The following CRTC1 variants were observed in gnomAD, a reference collection of about 807,000 sequenced individuals.
The protein encoded by CRTC1 is CREB-regulated transcription coactivator 1.
CRTC1 carries 18 observed loss-of-function variants against 66.1 expected under a neutral mutation model. The ratio of observed to expected loss-of-function variants is 0.27; its 90% CI spans 0.19 to 0.40. CRTC1 has a LOEUF of 0.40. Ranked by LOEUF, CRTC1 falls within the 10% of genes least tolerant of loss-of-function variation. CRTC1 has a pLI of 1.00. For missense variants in CRTC1, 669 were observed against 887.9 expected, an observed-to-expected ratio of 0.75 and a Z score of 3.13; for synonymous variants, 416 against 398.8, an observed-to-expected ratio of 1.04 and a Z score of -0.51.
At chr19:18,728,937 C>T (rs1298448243) in intron 1 of CRTC1, among the ~76,000 whole-genome samples, 1 of 150,400 alleles carries the variant, frequency 6.6e-6, no homozygotes, top group Non-Finnish European at 1.5e-5. Flanking sequence ...CTCAGCCTCC[C>T]AAGTACCTGG....
In CRTC1 at chr19:18,765,480, G is replaced by T. The variant is rs759206199; in HGVS notation, c.963G>T (p.Arg321Ser). Residue 321 changes from arginine (R) to serine (S), a missense_variant, in exon 9 of 14, where the codon AGG becomes AGT. By Grantham distance (110) the Arg-to-Ser change is moderately radical (BLOSUM62 -1). Around this residue, in one of 8 missense-constraint regions of CRTC1, gnomAD observed 241 missense variants for 242.2 expected, o/e 0.99. Coordinates refer to ENST00000321949, the MANE Select transcript of CRTC1 (RefSeq NM_015321.3). ...VSPLSLSTEA[R>S]RQQASPTLSP... ...CCCTGTCCCTGAGCACAGAGGCAAG[G>T]CGTCAGCAGGCATCGCCCACCCTGT... 7.4e-6 allele frequency: 12 copies of T among 1,611,192 alleles called. 1 individual carries two copies. In the South Asian group the frequency reaches 8.8e-5, roughly 12 times the overall value.
chr19:18,770,812 A>T (rs2054846293), intron 10 of CRTC1, among the ~76,000 whole-genome samples: 1 of 145,082 alleles, frequency 6.9e-6, no homozygotes, highest in Admixed American at 6.8e-5. Context: ...GGGTGTGTAC[A>T]TGCGTGGGTG....
chr19:18,753,406 C>T, intron 5 of CRTC1, 94 bp from the exon 6 acceptor site: 1 of 875,712 alleles, frequency 1.1e-6, no homozygotes, highest in Non-Finnish European at 1.9e-6. Flanking sequence ...ATGGCCATGA[C>T]TCCGTGTGTC....
At chr19:18,765,609 G>A in intron 9 of CRTC1, 81 bp downstream of exon 9, 1 of 1,382,526 alleles carries the variant, frequency 7.2e-7, no homozygotes, top group African/African-American at 1.4e-5. Context: ...AAGGCCTCCT[G>A]TTCCTTCCAG....
chr19:18,756,513 A>C (rs2054492399), intron 6 of CRTC1, among the ~76,000 whole-genome samples: 1 of 151,340 alleles, frequency 6.6e-6, no homozygotes. Context: ...AGCTAGTGTG[A>C]TATGTGTGTG....
At chr19:18,691,207 A>G (rs2052826613) in intron 1 of CRTC1, among the ~76,000 whole-genome samples, 1 of 146,812 alleles carries the variant, frequency 6.8e-6, no homozygotes, top group Non-Finnish European at 1.5e-5. Flanking sequence ...AAAAAAAAAG[A>G]AAAAGAAAAA....
intron 10 of CRTC1, among the ~76,000 whole-genome samples, chr19:18,770,190 C>T (rs1310222143): frequency 1.3e-5 from 2 of 152,230 alleles, no homozygotes; most frequent in African/African-American, 2.4e-5. Context: ...ATGGCTGGGC[C>T]GTGCTAGGAC....
intron 1 of CRTC1, among the ~76,000 whole-genome samples, chr19:18,730,728 T>A (rs1407249448): frequency 6.6e-6 from 1 of 152,082 alleles, no homozygotes; most frequent in Non-Finnish European, 1.5e-5. Context: ...AGTCTCAGGA[T>A]CCCTGCCCCC....
At chr19:18,755,861 C>T (rs1418438852) in intron 6 of CRTC1, among the ~76,000 whole-genome samples, 2 of 151,966 alleles carry the variant, frequency 1.3e-5, no homozygotes, top group East Asian at 3.9e-4. Context: ...CTCAGCCTCC[C>T]AAAGTGCTGA....
intron 6 of CRTC1, among the ~76,000 whole-genome samples, chr19:18,756,334 C>CAAAAAA: frequency 1.4e-5 from 1 of 73,202 alleles, no homozygotes; most frequent in Non-Finnish European, 2.3e-5. Flanking sequence ...AACTCCATCT[C>CAAAAAA]AAAAAAAAAA....
At chr19:18,709,498 C>A (rs757318) in intron 1 of CRTC1, among the ~76,000 whole-genome samples, 89,699 of 151,878 alleles carry the variant, frequency 0.59, 28,047 homozygotes, top group East Asian at 0.9. Context: ...AAGGAGGGAG[C>A]GGGCAGGTTA....
intron 3 of CRTC1, among the ~76,000 whole-genome samples, chr19:18,746,488 C>T (rs557917338): frequency 6.6e-6 from 1 of 151,842 alleles, no homozygotes; most frequent in African/African-American, 2.4e-5. Context: ...CCCCCCCTCC[C>T]CCCCAACTCA....
At chr19:18,696,593 C>T (rs904120377) in intron 1 of CRTC1, among the ~76,000 whole-genome samples, 3 of 152,134 alleles carry the variant, frequency 2.0e-5, no homozygotes, top group African/African-American at 7.2e-5. Context: ...CTCCAAGGCC[C>T]ATGCGGAGGA....
chr19:18,718,026 C>G (rs2053546134), intron 1 of CRTC1, among the ~76,000 whole-genome samples: 1 of 152,192 alleles, frequency 6.6e-6, no homozygotes, highest in Non-Finnish European at 1.5e-5. Flanking sequence ...ACATAAGATT[C>G]ACCATCTGAA....
Position 18,768,345 on chromosome 19 carries a change from A to G in CRTC1, c.1012-140A>G. ...CTCTAGCCTGGGCTCCCTCATCGTG[A>G]GGAGCACCCAGCCCAGGGGCTGCCT... On this transcript the variant is annotated intron_variant, in intron 9 of 13. Transcript: ENST00000321949. This position sits in a 1 kb window ranked among gnomAD's most constrained non-coding sequence, Gnocchi z 5.6. 1 of 682,528 alleles carries G rather than the reference A, an allele frequency of 1.5e-6. No homozygotes were observed. Among genetic ancestry groups the G allele is most frequent in the South Asian group, 1.9e-5 (1 of 52,970 alleles). The allele number at this position is 682,528 out of a possible 1,614,324, so 42.3% of individuals were successfully genotyped here.
intron 6 of CRTC1, 97 bp from the exon 7 acceptor site, chr19:18,759,454 T>G: frequency 7.8e-7 from 1 of 1,283,874 alleles, no homozygotes; most frequent in Non-Finnish European, 1.1e-6. Flanking sequence ...CTCTGGGCTT[T>G]GTGGGAAGAT....
intron 1 of CRTC1, among the ~76,000 whole-genome samples, chr19:18,719,920 A>G (rs1411146260): frequency 6.6e-6 from 1 of 152,236 alleles, no homozygotes; most frequent in Non-Finnish European, 1.5e-5. Flanking sequence ...CCATGTGGGC[A>G]GCGTCGGCGT....
intron 1 of CRTC1, among the ~76,000 whole-genome samples, chr19:18,700,203 A>T (rs1243107743): frequency 2.0e-5 from 3 of 152,170 alleles, no homozygotes; most frequent in Admixed American, 2.0e-4. Flanking sequence ...CGCTGGTCCC[A>T]GGAGTTTCAC....
chr19:18,776,597 G>A (rs773667343), intron 13 of CRTC1, among the ~76,000 whole-genome samples: 1 of 152,220 alleles, frequency 6.6e-6, no homozygotes, highest in Non-Finnish European at 1.5e-5. Context: ...AAGGGTGGAC[G>A]CGCCAGCCTC....
Sources: gnomAD v4.1 joint callset for allele counts (sites outside exome capture counted in the v4.1 genomes callset) on GRCh38, gnomAD v4.1.1 for gene constraint, gnomAD v4.1.1 regional missense constraint, Gnocchi (gnomAD v3.1) non-coding constraint, MANE v1.5 for transcripts, NCBI Gene and HGNC (gene_info 2026-07-23, HGNC 2026-07-21) for gene names.